The following JARID2 variants were observed in gnomAD, a reference collection of about 807,000 sequenced individuals.
JARID2 encodes the protein jumonji and AT-rich interaction domain containing 2, also known as protein Jumonji.
In JARID2, 21 loss-of-function variants were observed where a neutral mutation model predicts 125.6. The ratio of observed to expected loss-of-function variants is 0.17; its 90% confidence interval spans 0.12 to 0.24. JARID2 has a LOEUF of 0.24. Ranked by LOEUF, JARID2 falls within the 10% of genes least tolerant of loss-of-function variation. JARID2 has a pLI of 1.00. For synonymous variants in JARID2, 736 were observed against 661.6 expected (o/e 1.11, Z -1.73); for missense variants, 1,303 against 1,639.6 (o/e 0.79, Z 3.55).
rs1418560265 is a variant in JARID2 at position 15,501,394 on chromosome 6, C to T, written c.2433C>T (p.His811=). The change falls in exon 8 of 18, where the codon CAC becomes CAT. Residue 811 remains histidine, a synonymous_variant. Coordinates refer to ENST00000341776, the MANE Select transcript of JARID2 (RefSeq NM_004973.4). ...ACAAAGGCGTCCTCAATGACTTCCA[C>T]AAGTGCATCTATAAGGTAGGGGCCT... is the stretch of plus-strand genomic sequence containing the variant. ...EEDKGVLNDF[H]KCIYKGRSVS... The T allele has an allele frequency of 2.6e-6, 4 of 1,546,244 alleles. No individual in the cohort carries two copies. In the African/African-American group the frequency reaches 4.1e-5, roughly 16 times the overall value.
At chr6:15,248,824 C>T in intron 1 of JARID2, 1 of 797,974 alleles carries the variant, frequency 1.3e-6, no homozygotes, top group Non-Finnish European at 1.5e-6. Context: ...AGGCTCCAGG[C>T]GCGGCGGGGC....
chr6:15,514,436 G>A (rs1298201913), intron 16 of JARID2, among the ~76,000 whole-genome samples: 1 of 152,218 alleles, frequency 6.6e-6, no homozygotes, highest in African/African-American at 2.4e-5. Context: ...TGTCCCACAG[G>A]TGCCCCCTTC....
At chr6:15,461,335 C>T (rs1256413547) in intron 4 of JARID2, among the ~76,000 whole-genome samples, 1 of 152,190 alleles carries the variant, frequency 6.6e-6, no homozygotes, top group East Asian at 1.9e-4. Flanking sequence ...GTTAATTGCA[C>T]TTGCAGATAG....
At chr6:15,390,703 C>T (rs1006570457) in intron 2 of JARID2, among the ~76,000 whole-genome samples, 1 of 152,094 alleles carries the variant, frequency 6.6e-6, no homozygotes, top group Non-Finnish European at 1.5e-5. Context: ...ACTGGGTTGT[C>T]CTTGGATCCA....
chr6:15,312,590 A>G (rs956019982), intron 1 of JARID2, among the ~76,000 whole-genome samples: 2 of 152,142 alleles, frequency 1.3e-5, no homozygotes, highest in African/African-American at 4.8e-5. Context: ...TAAATGCCAT[A>G]TAGATGGAAG....
At chr6:15,295,108 CTTTTTTTTTTCTTTCTTTT>C (rs1313600588) in intron 1 of JARID2, among the ~76,000 whole-genome samples, 2 of 142,214 alleles carry the variant, frequency 1.4e-5, no homozygotes, top group African/African-American at 5.2e-5. Context: ...TGTGTCATTT[CTTTTTTTTTTCTTTCTTTT>C]TTTTTTTTTT....
intron 1 of JARID2, among the ~76,000 whole-genome samples, chr6:15,282,243 T>C (rs1481736451): frequency 1.3e-5 from 2 of 152,118 alleles, no homozygotes; most frequent in African/African-American, 2.4e-5. Context: ...GCGCCTGTCA[T>C]GTGCTGTTTT....
chr6:15,374,613 A>C (rs1764285356), intron 2 of JARID2, among the ~76,000 whole-genome samples: 1 of 152,252 alleles, frequency 6.6e-6, no homozygotes, highest in South Asian at 2.1e-4. Flanking sequence ...AAATAGCCTA[A>C]ATCTTTCTGT....
chr6:15,433,642 T>C (rs924825534), intron 3 of JARID2, among the ~76,000 whole-genome samples: 6 of 152,216 alleles, frequency 3.9e-5, no homozygotes, highest in African/African-American at 1.4e-4. Context: ...CCCAGCTTCC[T>C]GTGGGTTGCA....
At chr6:15,455,287 A>G (rs1280483527) in intron 4 of JARID2, among the ~76,000 whole-genome samples, 2 of 151,836 alleles carry the variant, frequency 1.3e-5, no homozygotes, top group Non-Finnish European at 2.9e-5. Flanking sequence ...GACAAATAAT[A>G]ATTGTACATA....
intron 1 of JARID2, among the ~76,000 whole-genome samples, chr6:15,278,252 T>G (rs1760609853): frequency 6.8e-6 from 1 of 146,648 alleles, no homozygotes; most frequent in Non-Finnish European, 1.5e-5. Context: ...GAAAGAAAGG[T>G]GAGCTGGGCG....
intron 1 of JARID2, among the ~76,000 whole-genome samples, chr6:15,315,386 A>G (rs1053800215): frequency 3.3e-5 from 5 of 152,172 alleles, no homozygotes; most frequent in Non-Finnish European, 5.9e-5. Flanking sequence ...GCCCATCTAT[A>G]CCAGCTGGCT....
intron 1 of JARID2, among the ~76,000 whole-genome samples, chr6:15,286,279 G>A (rs1268642183): frequency 7.1e-6 from 1 of 141,662 alleles, no homozygotes; most frequent in African/African-American, 2.7e-5. Flanking sequence ...TTGAGATGAA[G>A]TCTCACTTTG....
In JARID2 at chr6:15,462,566, T is replaced by G. The variant is rs537024780; in HGVS notation, c.494-5976T>G. On this transcript the variant is annotated intron_variant, in intron 4 of 17. Coordinates refer to ENST00000341776, the MANE Select transcript of JARID2 (RefSeq NM_004973.4). Reference sequence around the variant, plus strand: ...GTCCCTGCCAGCTCACTTTGAAGTTTTGTTTCTTAATTTGATAGTCGGGGT... The same window carrying G: ...GTCCCTGCCAGCTCACTTTGAAGTTGTGTTTCTTAATTTGATAGTCGGGGT... 5.9e-5 allele frequency among the ~76,000 whole-genome samples: 9 copies of G among 152,374 alleles called. 1 individual carries two copies. In the South Asian group the frequency reaches 1.9e-3, roughly 32 times the overall value.
chr6:15,314,075 A>G (rs1762104019), intron 1 of JARID2, among the ~76,000 whole-genome samples: 1 of 152,154 alleles, frequency 6.6e-6, no homozygotes, highest in Non-Finnish European at 1.5e-5. Flanking sequence ...GTAGCCATGA[A>G]CAGTGATGCT....
Position 15,269,568 on chromosome 6 carries a change from T to C in JARID2, c.45+22984T>C, listed in dbSNP as rs371952574. On this transcript the variant is annotated intron_variant, in intron 1 of 17. Transcript: ENST00000341776. Reference sequence around the variant, plus strand: ...TTTTTTTTTGTAGAGATGGCTATTTTAAAATTTTTTTTTTTTTTTTTTGGT... The same window carrying C: ...TTTTTTTTTGTAGAGATGGCTATTTCAAAATTTTTTTTTTTTTTTTTTGGT... Among the ~76,000 whole-genome samples, 6 of 145,196 alleles carry C rather than the reference T, an allele frequency of 4.1e-5. No individual in the cohort carries two copies. In the East Asian group the frequency reaches 1.2e-3, roughly 30 times the overall value.
At chr6:15,394,477 G>A (rs9370813) in intron 2 of JARID2, among the ~76,000 whole-genome samples, 67,208 of 151,898 alleles carry the variant, frequency 0.44, 15,016 homozygotes, top group East Asian at 0.55. Flanking sequence ...GCGCCTACCT[G>A]TAGTACAGCT....
rs1454236802 is a variant in JARID2, at chr6:15,500,933, T to C, written c.1972T>C (p.Phe658Leu). 5 of 1,610,378 alleles carry C rather than the reference T, an allele frequency of 3.1e-6. No homozygotes were observed. Among genetic ancestry groups the C allele is most frequent in the Non-Finnish European group, 4.2e-6 (5 of 1,177,646 alleles). Residue 658 changes from phenylalanine to leucine, a missense_variant, in exon 8 of 18, where the codon TTT becomes CTT. Coordinates refer to ENST00000341776, the MANE Select transcript of JARID2 (RefSeq NM_004973.4). ...IGGCELDLAC[F>L]FRLINEMGGM... ...GGGCTGTGAGCTCGACCTGGCCTGC[T>C]TTTTCCGGCTGATTAATGAGATGGG...
At chr6:15,357,849 AC>A (rs1160401494) in intron 1 of JARID2, among the ~76,000 whole-genome samples, 12 of 152,114 alleles carry the variant, frequency 7.9e-5, no homozygotes, top group Admixed American at 6.5e-4. Flanking sequence ...ACCCACGGAC[AC>A]CCCCTTCTCT....
Sources: gnomAD v4.1 joint callset for allele counts (sites outside exome capture counted in the v4.1 genomes callset) on GRCh38, gnomAD v4.1.1 for gene constraint, MANE v1.5 for transcripts, NCBI Gene and HGNC (gene_info 2026-07-23, HGNC 2026-07-21) for gene names.